CRY1: variants seen among roughly 807,000 people sequenced by gnomAD.
The protein encoded by CRY1 is cryptochrome-1.
CRY1 carries 45 observed loss-of-function variants against 76.0 expected under a neutral mutation model. The ratio of observed to expected loss-of-function variants is 0.59; its 90% CI spans 0.47 to 0.76. The LOEUF is 0.76. Ranked by LOEUF, CRY1 falls within the 30% of genes least tolerant of loss-of-function variation. The probability of loss-of-function intolerance (pLI) is 0.00; values close to 1 mark genes in which losing one functional copy is unlikely to be tolerated. For synonymous variants in CRY1, 248 were observed against 244.0 expected (o/e 1.02, Z -0.15); for missense variants, 587 against 716.4 (o/e 0.82, Z 2.06).
chr12:107,075,583 A>G (rs766163245), intron 1 of CRY1, among the ~76,000 whole-genome samples: 14 of 152,212 alleles, frequency 9.2e-5, no homozygotes, highest in Non-Finnish European at 1.9e-4. Context: ...AAATTCCATC[A>G]GCAAAATCAG....
chr12:106,998,187 A>G (rs1952255552), intron 7 of CRY1, 121 bp from the exon 8 acceptor site: 1 of 1,144,544 alleles, frequency 8.7e-7, no homozygotes, highest in Non-Finnish European at 1.2e-6. Context: ...TGTAAAATTA[A>G]ACATTCCAAA....
chr12:107,060,870 C>T (rs902618331), intron 1 of CRY1, among the ~76,000 whole-genome samples: 47 of 151,958 alleles, frequency 3.1e-4, no homozygotes, highest in African/African-American at 1.0e-3. Flanking sequence ...CCCAGCTACT[C>T]GGGAGGGTGA....
chr12:107,049,714 A>G (rs1952895555), intron 1 of CRY1: 1 of 152,164 alleles, frequency 6.6e-6, no homozygotes, highest in South Asian at 2.1e-4. Context: ...TGATGGCTTC[A>G]AAGAGATTTT....
chr12:107,089,412 G>A (rs979811719), intron 1 of CRY1, among the ~76,000 whole-genome samples: 1 of 152,040 alleles, frequency 6.6e-6, no homozygotes, highest in Admixed American at 6.5e-5. Context: ...ATAGCTCATT[G>A]CAGCTTCCAA....
chr12:107,089,330 GTTGT>G (rs1285161312), intron 1 of CRY1, among the ~76,000 whole-genome samples: 6 of 150,608 alleles, frequency 4.0e-5, no homozygotes, highest in Admixed American at 6.7e-5. Flanking sequence ...TTTTGTTGTT[GTTGT>G]TTGTTTGTTT....
At chr12:107,002,525 G>A (rs961361064) in intron 3 of CRY1, among the ~76,000 whole-genome samples, 3 of 152,144 alleles carry the variant, frequency 2.0e-5, no homozygotes, top group Non-Finnish European at 4.4e-5. Flanking sequence ...TTGTATGTGT[G>A]TGACAAAAGC....
intron 1 of CRY1, among the ~76,000 whole-genome samples, chr12:107,069,955 A>G (rs1249202808): frequency 6.6e-6 from 1 of 152,074 alleles, no homozygotes; most frequent in Non-Finnish European, 1.5e-5. Context: ...TGCTTATTAG[A>G]TCAGTAAAGT....
In CRY1 at chr12:107,092,967, G is replaced by A. The variant is rs777352879; in HGVS notation, c.-6C>T. Reference sequence around the variant, plus strand: ...TGCACGGCGTTCACCCCCATGCCGGGGGGCGCGGCGGGTCCTCCACGGAGA... The same window carrying A: ...TGCACGGCGTTCACCCCCATGCCGGAGGGCGCGGCGGGTCCTCCACGGAGA... On this transcript the variant is annotated 5_prime_UTR_variant, in exon 1 of 13. Transcript: ENST00000008527. 5 of 1,530,572 alleles carry A rather than the reference G, an allele frequency of 3.3e-6. No individual in the cohort carries two copies. The highest frequency in any genetic ancestry group is 3.5e-6 in the Non-Finnish European group (4 of 1,143,382). 94.8% of individuals were successfully genotyped at this position (1,530,572 alleles called of 1,614,324 possible). A position where few individuals can be genotyped will look rare whatever the true frequency, so the allele number is the denominator to read the frequency against.
intron 2 of CRY1, among the ~76,000 whole-genome samples, chr12:107,012,549 T>C (rs1593501890): frequency 2.0e-5 from 3 of 152,220 alleles, no homozygotes; most frequent in South Asian, 4.1e-4. Context: ...AGATTAACAT[T>C]GTTTTCATTC....
At chr12:107,003,972 A>G (rs1952342232) in intron 3 of CRY1, among the ~76,000 whole-genome samples, 1 of 151,932 alleles carries the variant, frequency 6.6e-6, no homozygotes, top group Non-Finnish European at 1.5e-5. Flanking sequence ...TGCCTGGCTA[A>G]TTTTTGTATT....
intron 1 of CRY1, among the ~76,000 whole-genome samples, chr12:107,075,584 G>A (rs1953242652): frequency 6.6e-6 from 1 of 152,104 alleles, no homozygotes; most frequent in African/African-American, 2.4e-5. Context: ...AATTCCATCA[G>A]CAAAATCAGC....
At chr12:107,051,817 TA>T (rs909898270) in intron 1 of CRY1, among the ~76,000 whole-genome samples, 1 of 152,182 alleles carries the variant, frequency 6.6e-6, no homozygotes, top group Non-Finnish European at 1.5e-5. Flanking sequence ...AGGCTCCTAC[TA>T]ATTTTTATCT....
At chr12:107,043,438 T>C (rs922929632) in intron 1 of CRY1, among the ~76,000 whole-genome samples, 1 of 152,144 alleles carries the variant, frequency 6.6e-6, no homozygotes, top group African/African-American at 2.4e-5. Context: ...CTTCCCAGAA[T>C]AATCACACTC....
At chr12:107,000,926 A>G (rs1331599391) in intron 5 of CRY1, among the ~76,000 whole-genome samples, 1 of 152,236 alleles carries the variant, frequency 6.6e-6, no homozygotes, top group African/African-American at 2.4e-5. Context: ...CTGGGATTAC[A>G]GGCGTAAGCC....
chr12:107,001,372 C>T lies in CRY1; in HGVS notation c.596-4G>A, dbSNP rs2136823288. On this transcript the variant is annotated splice_polypyrimidine_tract_variant and splice_region_variant and intron_variant, in intron 4 of 12. Coordinates refer to ENST00000008527, the MANE Select transcript of CRY1 (RefSeq NM_004075.5). ...GATAAGCCATCTGTATCAAAACCTA[C>T]AAGAAAGAAAAGAAAAAAACATCAT... is the stretch of plus-strand genomic sequence containing the variant. 6.3e-7 allele frequency: 1 copy of T among 1,597,612 alleles called. No individual in the cohort carries two copies. Among genetic ancestry groups the T allele is most frequent in the African/African-American group, 1.4e-5 (1 of 73,872 alleles).
chr12:107,058,685 T>C (rs11113178), intron 1 of CRY1, among the ~76,000 whole-genome samples: 2,216 of 152,298 alleles, frequency 0.015, 65 homozygotes, highest in African/African-American at 0.051. Flanking sequence ...CATATGACAA[T>C]AGTATATGGC....
chr12:107,005,755 C>CGT (rs750291226), intron 2 of CRY1, among the ~76,000 whole-genome samples: 50 of 151,342 alleles, frequency 3.3e-4, no homozygotes, highest in East Asian at 3.3e-3. Flanking sequence ...TGGCTGAGGT[C>CGT]GTGTGTGTGT....
chr12:107,062,116 T>C (rs1444918769), intron 1 of CRY1, among the ~76,000 whole-genome samples: 8 of 151,620 alleles, frequency 5.3e-5, no homozygotes, highest in Admixed American at 2.6e-4. Context: ...AAAATCCTAT[T>C]TTGGCTCTAT....
intron 1 of CRY1, among the ~76,000 whole-genome samples, chr12:107,040,111 C>T (rs1295522768): frequency 6.6e-6 from 1 of 152,074 alleles, no homozygotes; most frequent in African/African-American, 2.4e-5. Context: ...AGGACAAATA[C>T]TGCATGATTC....
Sources: allele counts gnomAD v4.1 joint callset (sites outside exome capture counted in the v4.1 genomes callset), GRCh38; gene constraint gnomAD v4.1.1; transcripts MANE v1.5; gene names NCBI Gene and HGNC (gene_info 2026-07-23, HGNC 2026-07-21).